PCDHGA9: variants seen among roughly 807,000 people sequenced by gnomAD.
PCDHGA9 encodes the protein protocadherin gamma subfamily A, 9.
Under a neutral mutation model 62.5 loss-of-function variants are expected in PCDHGA9, and 37 were observed. The observed-to-expected ratio is 0.59, with a 90% confidence interval of 0.46 to 0.78. PCDHGA9 has a LOEUF of 0.78. Among genes scored for constraint, PCDHGA9 ranks in the 30% least tolerant of loss-of-function variants. The pLI, the probability that PCDHGA9 is intolerant of heterozygous loss-of-function variation, is 0.00. For synonymous variants in PCDHGA9, 459 were observed against 484.6 expected (o/e 0.95, Z 0.69); for missense variants, 1,138 against 1,166.2 (o/e 0.98, Z 0.35).
intron 1 of PCDHGA9, chr5:141,421,360 T>G (rs549572548): frequency 6.2e-7 from 1 of 1,613,980 alleles, no homozygotes; most frequent in African/African-American, 1.3e-5. Context: ...AAAGGGCTCC[T>G]TCGTGGGCAA....
intron 1 of PCDHGA9, chr5:141,410,847 G>GTA: frequency 1.9e-5 from 3 of 158,244 alleles, no homozygotes; most frequent in East Asian, 1.3e-4. Flanking sequence ...TTTTGTCTTT[G>GTA]TCTTTTTTTT....
rs760676891 is a variant in PCDHGA9, at chr5:141,413,180, CCGCTCAAAGGAAT to C, written c.2424+7819_2424+7831del. The C allele has an allele frequency of 6.9e-5, 111 of 1,602,612 alleles. No individual in the cohort carries two copies. The East Asian group carries it at 9.6e-4, about 14-fold the overall frequency. ...GAATTCTGTAACCAGACTACAATGG[CCGCTCAAAGGAAT>C]CGCTCAAAGGAATCAAAGGATTGCA... On this transcript the variant is annotated intron_variant, in intron 1 of 3. Transcript: ENST00000573521.
At chr5:141,435,004 A>G (rs1481428383) in intron 1 of PCDHGA9, among the ~76,000 whole-genome samples, 1 of 152,096 alleles carries the variant, frequency 6.6e-6, no homozygotes, top group Non-Finnish European at 1.5e-5. Flanking sequence ...AGCTGAATTT[A>G]TCAATGATAA....
chr5:141,446,468 A>G (rs2098503159), intron 1 of PCDHGA9, among the ~76,000 whole-genome samples: 1 of 149,982 alleles, frequency 6.7e-6, no homozygotes, highest in African/African-American at 2.5e-5. Flanking sequence ...GTGATTAGAC[A>G]TATGGTCATC....
chr5:141,430,365 G>GA lies in PCDHGA9; in HGVS notation c.2424+24997dup, dbSNP rs202146484. Among the ~76,000 whole-genome samples, 583 of 147,736 alleles carry GA rather than the reference G, an allele frequency of 3.9e-3. 6 individuals are homozygous for GA. The highest frequency in any genetic ancestry group is 0.011 in the Admixed American group (169 of 14,894). On this transcript the variant is annotated intron_variant, in intron 1 of 3. Coordinates refer to ENST00000573521, the MANE Select transcript of PCDHGA9 (RefSeq NM_018921.3). ...CCAATTCATTTAAAAGCTCATTGGG[G>GA]AAAAAAAAGCTCATTGGGAAAAAAA...
At chr5:141,462,235 C>T (rs1389326284) in intron 1 of PCDHGA9, among the ~76,000 whole-genome samples, 1 of 152,206 alleles carries the variant, frequency 6.6e-6, no homozygotes, top group African/African-American at 2.4e-5. Flanking sequence ...GCAGGGATTA[C>T]AGGTATGAGC....
chr5:141,431,351 C>A lies in PCDHGA9; in HGVS notation c.2424+25975C>A. On this transcript the variant is annotated intron_variant, in intron 1 of 3. Coordinates refer to ENST00000573521, the MANE Select transcript of PCDHGA9 (RefSeq NM_018921.3). The surrounding 1 kb of genome is among the most constrained non-coding windows in gnomAD (Gnocchi z 4.8). ...TAAGTACCCCGAATTGGTGCTGAAA[C>A]GCGCCCTGGACCGCGAAGAAAAGGC... The A allele has an allele frequency of 6.2e-7, 1 of 1,614,064 alleles. No individual in the cohort carries two copies. The highest frequency in any genetic ancestry group is 8.5e-7 in the Non-Finnish European group (1 of 1,180,042).
chr5:141,460,556 T>C (rs762545295), intron 1 of PCDHGA9, among the ~76,000 whole-genome samples: 10 of 152,152 alleles, frequency 6.6e-5, no homozygotes, highest in Admixed American at 3.3e-4. Context: ...CAAAAATCAT[T>C]TGGCCATGGA....
intron 2 of PCDHGA9, among the ~76,000 whole-genome samples, chr5:141,496,991 G>T (rs1164558685): frequency 6.6e-6 from 1 of 151,902 alleles, no homozygotes; most frequent in African/African-American, 2.4e-5. Context: ...TTTGAGACCA[G>T]CCTGGCAGCC....
Position 141,477,991 on chromosome 5 carries a change from T to C in PCDHGA9, c.2425-16816T>C, listed in dbSNP as rs774877878. On this transcript the variant is annotated intron_variant, in intron 1 of 3. Transcript: ENST00000573521. The surrounding 1 kb of genome is among the most constrained non-coding windows in gnomAD (Gnocchi z 4.9). The stretch of plus-strand genomic sequence containing the variant: ...GCCTTTTTGCCATAGGGCTGCACAC[T>C]GGTCAAATCAGTACTGCCCGTCCAG... 2 of 1,614,134 alleles carry C rather than the reference T, an allele frequency of 1.2e-6. No individual in the cohort carries two copies. Among genetic ancestry groups the C allele is most frequent in the South Asian group, 2.2e-5 (2 of 91,082 alleles).
chr5:141,466,147 G>A (rs2099117729), intron 1 of PCDHGA9, among the ~76,000 whole-genome samples: 1 of 151,722 alleles, frequency 6.6e-6, no homozygotes, highest in South Asian at 2.1e-4. Flanking sequence ...TGAAAACTCT[G>A]GTCTTAAACT....
In PCDHGA9 at chr5:141,410,849, CTTTTTTT is replaced by C. The variant is rs759346998; in HGVS notation, c.2424+5489_2424+5495del. 8.7e-3 allele frequency: 1,205 copies of C among 138,184 alleles called. 49 individuals are homozygous for C. Among genetic ancestry groups the C allele is most frequent in the African/African-American group, 0.064 (1,073 of 16,650 alleles). 8.6% of individuals were successfully genotyped at this position (138,184 alleles called of 1,614,324 possible). ...CAGACTGAAGATATTTTGTCTTTGT[CTTTTTTT>C]TTTTTTTTTTTTTTTGAGATGGAGT... is the stretch of plus-strand genomic sequence containing the variant. On this transcript the variant is annotated intron_variant, in intron 1 of 3. Coordinates refer to ENST00000573521, the MANE Select transcript of PCDHGA9 (RefSeq NM_018921.3).
At chr5:141,443,790 T>A (rs1178101439) in intron 1 of PCDHGA9, among the ~76,000 whole-genome samples, 2 of 151,832 alleles carry the variant, frequency 1.3e-5, no homozygotes, top group Admixed American at 6.6e-5. Flanking sequence ...ACAAAAAAAA[T>A]GAAAAGGAAA....
At chr5:141,488,438 C>T (rs2099675393) in intron 1 of PCDHGA9, among the ~76,000 whole-genome samples, 1 of 152,146 alleles carries the variant, frequency 6.6e-6, no homozygotes, top group African/African-American at 2.4e-5. Flanking sequence ...CTCTGACCAC[C>T]CTCCTGGGTG....
In PCDHGA9 at chr5:141,489,353, A is replaced by G. The variant is rs1423278514; in HGVS notation, c.2425-5454A>G. 3.7e-6 allele frequency: 6 copies of G among 1,612,316 alleles called. No homozygotes were observed. In the African/African-American group the frequency reaches 6.7e-5, roughly 18 times the overall value. ...CAGCTTCGTTACTCAGTGGTGGAGG[A>G]GTCTGAGCCGGGGACGCTGGTGGGG... On this transcript the variant is annotated intron_variant, in intron 1 of 3. Transcript: ENST00000573521. This position sits in a 1 kb window ranked among gnomAD's most constrained non-coding sequence, Gnocchi z 4.5.
intron 1 of PCDHGA9, among the ~76,000 whole-genome samples, chr5:141,481,693 C>T (rs755007426): frequency 1.8e-4 from 27 of 152,020 alleles, no homozygotes; most frequent in Admixed American, 7.9e-4. Context: ...GTGGCTCACG[C>T]CTGTAATCCC....
intron 1 of PCDHGA9, among the ~76,000 whole-genome samples, chr5:141,473,948 A>ACC (rs2099333859): frequency 1.3e-5 from 2 of 152,182 alleles, no homozygotes; most frequent in Non-Finnish European, 2.9e-5. Context: ...TCAGGCCTGT[A>ACC]GTCCCATCTA....
intron 1 of PCDHGA9, chr5:141,422,919 G>A (rs1445179310): frequency 3.7e-6 from 6 of 1,614,238 alleles, no homozygotes; most frequent in Non-Finnish European, 5.1e-6. Flanking sequence ...CCGAGATCCT[G>A]TACCCTGCCC....
In PCDHGA9 at chr5:141,485,031, C is replaced by A; in HGVS notation, c.2425-9776C>A. On this transcript the variant is annotated intron_variant, in intron 1 of 3. Coordinates refer to ENST00000573521, the MANE Select transcript of PCDHGA9 (RefSeq NM_018921.3). The surrounding 1 kb of genome is among the most constrained non-coding windows in gnomAD (Gnocchi z 5.7). Reference sequence around the variant, plus strand: ...TACCCCGCCACCAGCAAAAACGGCGCGTAACCCTTGCGGCGCCGGCCGAAC... The same window carrying A: ...TACCCCGCCACCAGCAAAAACGGCGAGTAACCCTTGCGGCGCCGGCCGAAC... The A allele has an allele frequency of 1.5e-6, 1 of 680,514 alleles. No homozygotes were observed. Among genetic ancestry groups the A allele is most frequent in the South Asian group, 1.8e-5 (1 of 54,868 alleles). 42.2% of individuals were successfully genotyped at this position (680,514 alleles called of 1,614,324 possible). A position where few individuals can be genotyped will look rare whatever the true frequency, so the allele number is the denominator to read the frequency against.
Sources: gnomAD v4.1 joint callset for allele counts (sites outside exome capture counted in the v4.1 genomes callset) on GRCh38, gnomAD v4.1.1 for gene constraint, Gnocchi (gnomAD v3.1) non-coding constraint, MANE v1.5 for transcripts, NCBI Gene and HGNC (gene_info 2026-07-23, HGNC 2026-07-21) for gene names.